The following NRDC variants were observed in gnomAD, a reference collection of about 807,000 sequenced individuals.
NRDC encodes nardilysin.
In NRDC, 54 loss-of-function variants were observed where a neutral mutation model predicts 147.1. The observed-to-expected ratio is 0.37, with a 90% CI of 0.29 to 0.46. The LOEUF (loss-of-function observed/expected upper bound fraction) is 0.46. NRDC is among the 20% of genes least tolerant of loss of function. The pLI is 1.00. For synonymous variants in NRDC, 440 were observed against 482.1 expected (o/e 0.91, Z 1.14); for missense variants, 1,082 against 1,370.6 (o/e 0.79, Z 3.33).
chr1:51,865,305 GTT>G (rs934061275), intron 1 of NRDC, among the ~76,000 whole-genome samples: 1 of 150,694 alleles, frequency 6.6e-6, no homozygotes, highest in Admixed American at 6.6e-5. Context: ...TAAGTTTTTC[GTT>G]TTGTTTTTTT....
chr1:51,803,275 G>T (rs1190695149), intron 20 of NRDC, among the ~76,000 whole-genome samples: 1 of 152,160 alleles, frequency 6.6e-6, no homozygotes, highest in Non-Finnish European at 1.5e-5. Context: ...AGGAGTTCGA[G>T]ATCAGCCTGG....
At chr1:51,852,038 T>A (rs942463906) in intron 1 of NRDC, among the ~76,000 whole-genome samples, 1 of 152,206 alleles carries the variant, frequency 6.6e-6, no homozygotes, top group African/African-American at 2.4e-5. Flanking sequence ...TTTTTTGGTA[T>A]GCTTTTTGGT....
At chr1:51,863,891 G>A (rs1682673642) in intron 1 of NRDC, among the ~76,000 whole-genome samples, 1 of 152,172 alleles carries the variant, frequency 6.6e-6, no homozygotes, top group Non-Finnish European at 1.5e-5. Context: ...CCCATCTTAA[G>A]TTGAAAATAT....
At position 51,840,237 on chromosome 1, in the gene NRDC, T is replaced by C. The variant is rs547368399; in HGVS notation, c.619A>G (p.Thr207Ala). 4.4e-5 allele frequency: 70 copies of C among 1,594,708 alleles called. No homozygotes were observed. The highest frequency in any genetic ancestry group is 1.5e-4 in the African/African-American group (11 of 73,788). The change falls in exon 2 of 31, where the codon ACT becomes GCT. Residue 207 changes from threonine (T) to alanine (A), a missense_variant. Thr to Ala is a moderately conservative substitution (Grantham distance 58). This residue lies in a region of NRDC where 260 missense variants were observed against 253.2 expected (regional missense o/e 1.03). Transcript: ENST00000352171. ...EERAEARKKT[T>A]EKQSAAALCV... Reference sequence around the variant, plus strand: ...GACATGACTCGCACCTGTTTTTCAGTAGTTTTTTTTCTAGCTTCTGCTCTC... The same window carrying C: ...GACATGACTCGCACCTGTTTTTCAGCAGTTTTTTTTCTAGCTTCTGCTCTC...
At chr1:51,856,837 A>G (rs6676305) in intron 1 of NRDC, among the ~76,000 whole-genome samples, 57,878 of 151,964 alleles carry the variant, frequency 0.38, 11,595 homozygotes, top group South Asian at 0.48. Flanking sequence ...GATAGGAGAA[A>G]GTCTGAGAAA....
chr1:51,845,959 T>TA (rs564616192), intron 1 of NRDC, among the ~76,000 whole-genome samples: 1,992 of 147,336 alleles, frequency 0.014, 51 homozygotes, highest in African/African-American at 0.047. Context: ...ACACCTAATT[T>TA]AAAAAAAAAA....
At chr1:51,827,002 CA>C (rs920690566) in intron 5 of NRDC, among the ~76,000 whole-genome samples, 17 of 152,226 alleles carry the variant, frequency 1.1e-4, no homozygotes, top group African/African-American at 3.1e-4. Flanking sequence ...ATCCATTCAA[CA>C]GGTATTTAAC....
intron 14 of NRDC, among the ~76,000 whole-genome samples, chr1:51,813,450 T>A (rs1187216555): frequency 6.6e-6 from 1 of 152,072 alleles, no homozygotes; most frequent in Non-Finnish European, 1.5e-5. Flanking sequence ...AGAGCGGACA[T>A]CAGAACTCTG....
intron 1 of NRDC, among the ~76,000 whole-genome samples, chr1:51,849,248 A>T (rs1410524228): frequency 6.6e-6 from 1 of 151,662 alleles, no homozygotes; most frequent in East Asian, 2.0e-4. Context: ...TAAAAATAAA[A>T]ATAGCCAGGC....
rs770171606 is a variant in NRDC at position 51,823,759 on chromosome 1, G to A, written c.1064C>T (p.Pro355Leu). The A allele has an allele frequency of 6.2e-7, 1 of 1,604,206 alleles. No individual in the cohort carries two copies. The highest frequency in any genetic ancestry group is 8.5e-7 in the Non-Finnish European group (1 of 1,173,100). The change falls in exon 7 of 31, where the codon CCA becomes CTA. Residue 355 changes from proline to leucine, a missense_variant. This residue lies in a region of NRDC where 635 missense variants were observed against 923.8 expected (regional missense o/e 0.69). Transcript: ENST00000352171. ...WGNAETLKHEPRKNNIDTHAR... is the reference protein window; with the variant it reads ...WGNAETLKHELRKNNIDTHAR... ...ATGTGTATCAATATTATTCTTTCTT[G>A]GCTCATGCTTGAGCGTCTCAGCATT...
At chr1:51,795,109 G>A (rs986027969) in intron 22 of NRDC, 21 of 1,431,460 alleles carry the variant, frequency 1.5e-5, no homozygotes, top group South Asian at 4.9e-5. Flanking sequence ...TTCCCAACTG[G>A]ATCAAACTTA....
At chr1:51,839,160 C>CTTTTTTTTTTTTTTTT (rs5774110) in intron 2 of NRDC, among the ~76,000 whole-genome samples, 1 of 133,774 alleles carries the variant, frequency 7.5e-6, no homozygotes, top group East Asian at 2.2e-4. Context: ...TTTTCTTTTT[C>CTTTTTTTTTTTTTTTT]TTTTTTTTTT....
chr1:51,836,501 A>G, intron 2 of NRDC: 4 of 1,350,208 alleles, frequency 3.0e-6, no homozygotes, highest in Admixed American at 3.8e-5. Context: ...GCCCACCCAA[A>G]TATCATTTCA....
Position 51,878,655 on chromosome 1 carries a change from G to A in NRDC, c.-40C>T. The stretch of plus-strand genomic sequence containing the variant: ...GAGCGATGGACATCCCGCTTCCCAG[G>A]ACCCACCTCCTCCGCGTTCTAGAGG... On this transcript the variant is annotated 5_prime_UTR_variant, in exon 1 of 31. Transcript: ENST00000352171. 6 of 1,547,870 alleles carry A rather than the reference G, an allele frequency of 3.9e-6. No homozygotes were observed. Among genetic ancestry groups the A allele is most frequent in the South Asian group, 1.2e-5 (1 of 85,844 alleles).
intron 1 of NRDC, among the ~76,000 whole-genome samples, chr1:51,842,590 A>T (rs1681325582): frequency 6.6e-6 from 1 of 152,260 alleles, no homozygotes; most frequent in African/African-American, 2.4e-5. Flanking sequence ...GGAAATACAG[A>T]ATTCAGCAAC....
chr1:51,837,419 A>G, intron 2 of NRDC: 8 of 1,361,056 alleles, frequency 5.9e-6, no homozygotes, highest in Non-Finnish European at 6.8e-6. Context: ...CAGTTAAAAC[A>G]TTGGGGAATA....
chr1:51,794,814 A>G lies in NRDC; in HGVS notation c.2636+9T>C. On this transcript the variant is annotated intron_variant, in intron 23 of 30. Coordinates refer to ENST00000352171, the MANE Select transcript of NRDC (RefSeq NM_001101662.2). ...CACATAACCCCAAAGAGAAAATTCA[A>G]ATACTTACTCAACAACATATTTCAG... 2.5e-6 allele frequency: 4 copies of G among 1,613,982 alleles called. No individual in the cohort carries two copies. Among genetic ancestry groups the G allele is most frequent in the Non-Finnish European group, 2.5e-6 (3 of 1,179,940 alleles).
At chr1:51,832,684 T>G (rs1007857114) in intron 4 of NRDC, among the ~76,000 whole-genome samples, 2 of 152,160 alleles carry the variant, frequency 1.3e-5, no homozygotes, top group Non-Finnish European at 2.9e-5. Flanking sequence ...ATCTCAAACT[T>G]CTACTATTGT....
rs1188281720 is a variant in NRDC at position 51,836,376 on chromosome 1, G to C, written c.631-164C>G. 5 of 1,613,212 alleles carry C rather than the reference G, an allele frequency of 3.1e-6. No homozygotes were observed. In the African/African-American group the frequency reaches 6.7e-5, roughly 22 times the overall value. ...CAGCAAAGTGAAACTCACCAGAACT[G>C]TGTCAGTTTCACCCTGCTGCTCCTC... On this transcript the variant is annotated intron_variant, in intron 2 of 30. Coordinates refer to ENST00000352171, the MANE Select transcript of NRDC (RefSeq NM_001101662.2).
Sources: allele counts gnomAD v4.1 joint callset (sites outside exome capture counted in the v4.1 genomes callset), GRCh38; gene constraint gnomAD v4.1.1; regional missense constraint gnomAD v4.1.1; transcripts MANE v1.5; gene names NCBI Gene and HGNC (gene_info 2026-07-23, HGNC 2026-07-21).